The following TMPRSS5 variants were observed in gnomAD, a reference collection of about 807,000 sequenced individuals.
The protein encoded by TMPRSS5 is transmembrane serine protease 5.
In TMPRSS5, 45 loss-of-function variants were observed where a neutral mutation model predicts 59.7. The ratio of observed to expected loss-of-function variants is 0.75; its 90% CI spans 0.59 to 0.97. TMPRSS5 has a LOEUF of 0.97. Among genes scored for constraint, TMPRSS5 ranks in the 50% least tolerant of loss-of-function variants. TMPRSS5 has a pLI of 0.00. For synonymous variants in TMPRSS5, 225 were observed against 232.0 expected (o/e 0.97, Z 0.27); for missense variants, 585 against 596.7 (o/e 0.98, Z 0.20).
chr11:113,690,300 C>A lies in TMPRSS5; in HGVS notation c.1137G>T (p.Val379=), dbSNP rs1334636996. Residue 379 remains valine (V), a synonymous_variant, in exon 11 of 13, where the codon GTG becomes GTT. Transcript: ENST00000299882. ...FSTQLCNSSC[V]YSGALTPRML... ...TGCGGGGGGTGAGGGCTCCGCTGTA[C>A]ACGCAAGAGCTGTTGCAGAGCTGAG... 1 of 1,592,188 alleles carries A rather than the reference C, an allele frequency of 6.3e-7. No individual in the cohort carries two copies. The highest frequency in any genetic ancestry group is 2.3e-5 in the East Asian group (1 of 43,828).
At chr11:113,703,153 C>A (rs149630355) in intron 1 of TMPRSS5, among the ~76,000 whole-genome samples, 3 of 152,376 alleles carry the variant, frequency 2.0e-5, no homozygotes, top group Non-Finnish European at 2.9e-5. Flanking sequence ...GGGGCTGTGC[C>A]CTGCAAAGCC....
Position 113,695,314 on chromosome 11 carries a change from C to T in TMPRSS5, c.622+86G>A, listed in dbSNP as rs528807622. On this transcript the variant is annotated intron_variant, in intron 7 of 12. Coordinates refer to ENST00000299882, the MANE Select transcript of TMPRSS5 (RefSeq NM_030770.4). ...ACCCCTACCCCAGGCCCAGCAGAGT[C>T]TCACCATAGGGCTCTTCCACACTTG... is the stretch of plus-strand genomic sequence containing the variant. 4 of 1,472,890 alleles carry T rather than the reference C, an allele frequency of 2.7e-6. No individual in the cohort carries two copies. In the African/African-American group the frequency reaches 4.2e-5, roughly 15 times the overall value. 91.2% of individuals were successfully genotyped at this position (1,472,890 alleles called of 1,614,324 possible).
At chr11:113,698,043 A>G (rs1031489453) in intron 4 of TMPRSS5, among the ~76,000 whole-genome samples, 9 of 152,198 alleles carry the variant, frequency 5.9e-5, no homozygotes, top group Admixed American at 5.2e-4. Context: ...GAAGAGGAAG[A>G]GACACCAGAG....
At chr11:113,691,413 G>A (rs930564022) in intron 9 of TMPRSS5, among the ~76,000 whole-genome samples, 4 of 152,236 alleles carry the variant, frequency 2.6e-5, no homozygotes, top group Admixed American at 1.3e-4. Context: ...CCCTCTAACC[G>A]CATCACAGAG....
At position 113,697,282 on chromosome 11, in the gene TMPRSS5, C is replaced by A; in HGVS notation, c.464+1G>T. 6.2e-7 allele frequency: 1 copy of A among 1,609,214 alleles called. No individual in the cohort carries two copies. ...CAGGACCCACATCTAACTCCTGTTA[C>A]CTGAGATGCCCAAGGCTCCAGCAGA... On this transcript the variant is annotated splice_donor_variant, in intron 5 of 12. Transcript: ENST00000299882. LOFTEE classifies it high-confidence loss of function.
At chr11:113,691,713 T>A (rs1467779095) in intron 9 of TMPRSS5, among the ~76,000 whole-genome samples, 1 of 151,314 alleles carries the variant, frequency 6.6e-6, no homozygotes, top group Non-Finnish European at 1.5e-5. Context: ...TGCTATTTAC[T>A]TACTATACTA....
At chr11:113,692,056 T>A (rs1420074451) in intron 9 of TMPRSS5, among the ~76,000 whole-genome samples, 1 of 151,894 alleles carries the variant, frequency 6.6e-6, no homozygotes, top group Non-Finnish European at 1.5e-5. Flanking sequence ...CCCAGCTCAT[T>A]TTTGTATTTT....
intron 9 of TMPRSS5, 47 bp from the exon 10 acceptor site, chr11:113,690,986 C>A: frequency 6.6e-7 from 1 of 1,524,084 alleles, no homozygotes; most frequent in South Asian, 1.2e-5. Flanking sequence ...CTTGGCTTCC[C>A]CCACTGCAGA....
intron 9 of TMPRSS5, 113 bp from the exon 10 acceptor site, chr11:113,691,052 T>A: frequency 2.1e-6 from 2 of 962,560 alleles, no homozygotes; most frequent in Non-Finnish European, 3.1e-6. Flanking sequence ...TCTCAAACAG[T>A]CCTGGCTCCT....
intron 1 of TMPRSS5, among the ~76,000 whole-genome samples, chr11:113,704,061 A>G (rs2134831893): frequency 6.6e-6 from 1 of 152,294 alleles, no homozygotes; most frequent in South Asian, 2.1e-4. Context: ...AGAGGGTTTG[A>G]GCTGATATAA....
At chr11:113,702,910 G>C (rs1384628636) in intron 1 of TMPRSS5, among the ~76,000 whole-genome samples, 1 of 152,230 alleles carries the variant, frequency 6.6e-6, no homozygotes, top group East Asian at 1.9e-4. Flanking sequence ...GAAACACCTG[G>C]ATGCCCTTGC....
intron 9 of TMPRSS5, 43 bp downstream of exon 9, chr11:113,693,028 C>CAAAA: frequency 2.1e-6 from 3 of 1,404,146 alleles, no homozygotes; most frequent in East Asian, 2.8e-5. Context: ...CGCCCTCTCT[C>CAAAA]GCCATAGTCT....
intron 10 of TMPRSS5, 56 bp downstream of exon 10, chr11:113,690,785 G>A: frequency 6.8e-7 from 1 of 1,480,684 alleles, no homozygotes; most frequent in Non-Finnish European, 9.2e-7. Flanking sequence ...CCTCACCCTG[G>A]GGAAGAATGC....
rs769367086 is a variant in TMPRSS5 at position 113,698,947 on chromosome 11, C to T, written c.286G>A (p.Ala96Thr). The T allele has an allele frequency of 6.3e-7, 1 of 1,598,878 alleles. No homozygotes were observed. Among genetic ancestry groups the T allele is most frequent in the Non-Finnish European group, 8.5e-7 (1 of 1,172,848 alleles). The change falls in exon 4 of 13, where the codon GCC becomes ACC. Residue 96 changes from alanine to threonine, a missense_variant. Physicochemically the swap from Ala to Thr is moderately conservative, Grantham distance 58. Transcript: ENST00000299882. ...GGGAGCAGAGCTTCCTCAGCGCTGGCCTCTGAGCAGCTCAAAGTTATCTCC... is the reference window on the plus strand; with the variant it reads ...GGGAGCAGAGCTTCCTCAGCGCTGGTCTCTGAGCAGCTCAAAGTTATCTCC... Reference protein sequence around the residue: ...DEEITLSCSEASAEEALLPAL... With the variant: ...DEEITLSCSETSAEEALLPAL...
intron 6 of TMPRSS5, 49 bp downstream of exon 6, chr11:113,696,809 C>T (rs1166820042): frequency 6.0e-6 from 8 of 1,331,162 alleles, no homozygotes; most frequent in Non-Finnish European, 8.4e-6. Context: ...CTGGATTGAC[C>T]ACCAGGAAGT....
At chr11:113,702,534 G>T (rs1339372102) in intron 1 of TMPRSS5, among the ~76,000 whole-genome samples, 1 of 152,246 alleles carries the variant, frequency 6.6e-6, no homozygotes, top group Admixed American at 6.5e-5. Flanking sequence ...GCCTGCTGCA[G>T]AAATTTGCAT....
chr11:113,706,072 C>A, intron 1 of TMPRSS5, 150 bp downstream of exon 1: 1 of 846,152 alleles, frequency 1.2e-6, no homozygotes, highest in South Asian at 1.7e-5. Flanking sequence ...AGGAAATTGG[C>A]CACACAGGGC....
intron 9 of TMPRSS5, 32 bp downstream of exon 9, chr11:113,693,039 C>T (rs767282946): frequency 1.4e-6 from 2 of 1,390,122 alleles, no homozygotes; most frequent in South Asian, 1.2e-5. Context: ...GCCATAGTCT[C>T]CAGCCTGCCC....
chr11:113,702,886 T>G (rs1185239031), intron 1 of TMPRSS5, among the ~76,000 whole-genome samples: 1 of 152,216 alleles, frequency 6.6e-6, no homozygotes, highest in Non-Finnish European at 1.5e-5. Context: ...CACCTAGATT[T>G]CAGAGGATGT....
Sources: allele counts gnomAD v4.1 joint callset (sites outside exome capture counted in the v4.1 genomes callset), GRCh38; gene constraint gnomAD v4.1.1; transcripts MANE v1.5; gene names NCBI Gene and HGNC (gene_info 2026-07-23, HGNC 2026-07-21).